The following GRIA1 variants were observed in gnomAD, a reference collection of about 807,000 sequenced individuals.
GRIA1 encodes glutamate receptor 1.
Under a neutral mutation model 99.2 loss-of-function variants are expected in GRIA1, and 31 were observed. The ratio of observed to expected loss-of-function variants is 0.31; its 90% confidence interval spans 0.23 to 0.42. GRIA1 has a LOEUF of 0.42. Ranked by LOEUF, GRIA1 falls within the 10% of genes least tolerant of loss-of-function variation. The pLI, the probability that GRIA1 is intolerant of heterozygous loss-of-function variation, is 1.00. For synonymous variants in GRIA1, 438 were observed against 432.4 expected, an observed-to-expected ratio of 1.01 and a Z score of -0.16; for missense variants, 782 against 1,157.5, an observed-to-expected ratio of 0.68 and a Z score of 4.71.
At chr5:153,713,067 T>C (rs1367845998) in intron 11 of GRIA1, among the ~76,000 whole-genome samples, 2 of 152,188 alleles carry the variant, frequency 1.3e-5, no homozygotes, top group Non-Finnish European at 2.9e-5. Context: ...CTAGAAATGA[T>C]GCTGAGTCAA....
At chr5:153,797,833 T>G (rs1561868799) in intron 14 of GRIA1, among the ~76,000 whole-genome samples, 1 of 152,216 alleles carries the variant, frequency 6.6e-6, no homozygotes, top group African/African-American at 2.4e-5. Context: ...TCTCATCCCA[T>G]GTCGCTCTTG....
intron 14 of GRIA1, among the ~76,000 whole-genome samples, chr5:153,796,685 A>G (rs560163343): frequency 2.4e-4 from 37 of 152,172 alleles, no homozygotes; most frequent in Non-Finnish European, 2.8e-4. Flanking sequence ...TACCATCCAG[A>G]GGTGGGCAAC....
intron 4 of GRIA1, 62 bp downstream of exon 4, chr5:153,650,576 A>G: frequency 6.6e-7 from 1 of 1,515,252 alleles, no homozygotes; most frequent in South Asian, 1.2e-5. Flanking sequence ...AGCCAGACAC[A>G]CTTTTGCCTT....
At chr5:153,774,083 C>CA (rs1764064364) in intron 13 of GRIA1, among the ~76,000 whole-genome samples, 1 of 125,076 alleles carries the variant, frequency 8.0e-6, no homozygotes, top group African/African-American at 3.0e-5. Flanking sequence ...TCCCCCCACA[C>CA]ACACACACAC....
intron 11 of GRIA1, among the ~76,000 whole-genome samples, chr5:153,723,738 A>G (rs6876314): frequency 0.52 from 77,628 of 149,712 alleles, 21,013 homozygotes; most frequent in East Asian, 0.94. Context: ...CAAAGCAGCC[A>G]GGAAGCTCGA....
intron 11 of GRIA1, among the ~76,000 whole-genome samples, chr5:153,750,555 G>A (rs567334166): frequency 3.3e-5 from 5 of 152,134 alleles, no homozygotes; most frequent in Admixed American, 3.3e-4. Context: ...AGAGTTGATT[G>A]CTGCTTAATA....
chr5:153,807,114 A>G (rs1001921930), intron 15 of GRIA1, among the ~76,000 whole-genome samples: 5 of 152,192 alleles, frequency 3.3e-5, no homozygotes, highest in Admixed American at 2.6e-4. Flanking sequence ...CTGACTGACT[A>G]TAGTATTTAA....
chr5:153,586,693 G>T (rs536004736), intron 2 of GRIA1, among the ~76,000 whole-genome samples: 1 of 152,274 alleles, frequency 6.6e-6, no homozygotes, highest in African/African-American at 2.4e-5. Context: ...GGTAATATTT[G>T]ATGGAGTCTT....
At chr5:153,750,951 T>A (rs1279018224) in intron 11 of GRIA1, among the ~76,000 whole-genome samples, 1 of 151,810 alleles carries the variant, frequency 6.6e-6, no homozygotes, top group Non-Finnish European at 1.5e-5. Flanking sequence ...ACAAAAAAAA[T>A]TAGCTAGGCG....
chr5:153,721,536 A>C (rs191067599), intron 11 of GRIA1, among the ~76,000 whole-genome samples: 15 of 152,350 alleles, frequency 9.8e-5, no homozygotes, highest in Admixed American at 7.8e-4. Context: ...CCATGACAGG[A>C]GTAGCCGCTC....
Position 153,648,359 on chromosome 5 carries a change from C to T in GRIA1, c.460+1192C>T, listed in dbSNP as rs556303319. Among the ~76,000 whole-genome samples the T allele has an allele frequency of 5.9e-5, 9 of 152,202 alleles. No homozygotes were observed. The South Asian group carries it at 1.5e-3, about 25-fold the overall frequency. On this transcript the variant is annotated intron_variant, in intron 3 of 15. Coordinates refer to ENST00000285900, the MANE Select transcript of GRIA1 (RefSeq NM_000827.4). ...AGCTGGAGGCCTGGAAGTAATAAAG[C>T]CAGAAAAATGTACCTTTGCTTGTGG...
intron 11 of GRIA1, among the ~76,000 whole-genome samples, chr5:153,731,853 T>C (rs190450314): frequency 6.6e-6 from 1 of 152,234 alleles, no homozygotes; most frequent in Non-Finnish European, 1.5e-5. Flanking sequence ...CCGGAACTTA[T>C]TATTCGTTTT....
chr5:153,659,190 C>T (rs1274109261), intron 5 of GRIA1, among the ~76,000 whole-genome samples: 1 of 152,112 alleles, frequency 6.6e-6, no homozygotes, highest in African/African-American at 2.4e-5. Flanking sequence ...AAGTGTTCTG[C>T]ACAAATGGAA....
intron 2 of GRIA1, among the ~76,000 whole-genome samples, chr5:153,631,994 C>T (rs1012824869): frequency 6.6e-6 from 1 of 152,032 alleles, no homozygotes; most frequent in Admixed American, 6.6e-5. Flanking sequence ...AGGTCAACAG[C>T]GCTTAGACAG....
chr5:153,720,262 C>A (rs1191425107), intron 11 of GRIA1, among the ~76,000 whole-genome samples: 1 of 152,098 alleles, frequency 6.6e-6, no homozygotes, highest in Non-Finnish European at 1.5e-5. Context: ...CCTTAACAAA[C>A]AATAAGCAAT....
chr5:153,764,229 C>T (rs1763365045), intron 11 of GRIA1, among the ~76,000 whole-genome samples: 2 of 152,140 alleles, frequency 1.3e-5, no homozygotes, highest in East Asian at 1.9e-4. Flanking sequence ...AGGACAGCAA[C>T]CCCACAGATC....
chr5:153,624,989 C>A (rs1767451047), intron 2 of GRIA1, among the ~76,000 whole-genome samples: 1 of 152,198 alleles, frequency 6.6e-6, no homozygotes, highest in African/African-American at 2.4e-5. Context: ...AGCTCCTGAT[C>A]CATTCACGGC....
At chr5:153,738,627 T>G (rs936559723) in intron 11 of GRIA1, among the ~76,000 whole-genome samples, 2 of 152,028 alleles carry the variant, frequency 1.3e-5, no homozygotes, top group Non-Finnish European at 2.9e-5. Flanking sequence ...TTGGGTTTGT[T>G]CATTTTTCCT....
At chr5:153,617,733 G>A (rs1766642740) in intron 2 of GRIA1, among the ~76,000 whole-genome samples, 1 of 152,078 alleles carries the variant, frequency 6.6e-6, no homozygotes, top group Admixed American at 6.6e-5. Context: ...TATTTATTAT[G>A]ACCAACTAAA....
Sources: allele counts gnomAD v4.1 joint callset (sites outside exome capture counted in the v4.1 genomes callset), GRCh38; gene constraint gnomAD v4.1.1; transcripts MANE v1.5; gene names NCBI Gene and HGNC (gene_info 2026-07-23, HGNC 2026-07-21).